Variants in MICAL2 observed in about 807,000 individuals in gnomAD.
The protein encoded by MICAL2 is microtubule associated monooxygenase, calponin and LIM domain containing 2, also known as [F-actin]-monooxygenase MICAL2.
A neutral mutation model predicts 127.3 loss-of-function variants in MICAL2; 77 were observed. The observed-to-expected ratio is 0.60, with a 90% confidence interval of 0.50 to 0.73. The LOEUF is 0.73. Ranked by LOEUF, MICAL2 falls within the 30% of genes least tolerant of loss-of-function variation. The probability of loss-of-function intolerance (pLI) is 0.00; values close to 1 mark genes in which losing one functional copy is unlikely to be tolerated. For synonymous variants in MICAL2, 570 were observed against 551.1 expected (o/e 1.03, Z -0.48); for missense variants, 1,351 against 1,434.4 (o/e 0.94, Z 0.94).
downstream of MICAL2, among the ~76,000 whole-genome samples, chr11:12,290,509 G>A (rs183997896): frequency 2.3e-3 from 240 of 105,368 alleles, no homozygotes; most frequent in African/African-American, 9.9e-3. Context: ...AGGAGGAAGG[G>A]AAGAAGGAAT....
chr11:12,260,647 C>A, intron 26 of MICAL2: 2 of 986,572 alleles, frequency 2.0e-6, no homozygotes, highest in Non-Finnish European at 2.4e-6. Flanking sequence ...TACCCAGATG[C>A]CACTTGTCAG....
downstream of MICAL2, among the ~76,000 whole-genome samples, chr11:12,360,182 G>T: frequency 1.6e-5 from 1 of 61,304 alleles, no homozygotes; most frequent in Admixed American, 2.6e-4. Context: ...ATATGAGGAG[G>T]CACCTACCTA....
downstream of MICAL2, among the ~76,000 whole-genome samples, chr11:12,289,463 G>A (rs543904605): frequency 1.3e-5 from 2 of 152,302 alleles, 1 homozygote; most frequent in South Asian, 4.1e-4. Context: ...ACTGGACGCG[G>A]CTTGAGTGCG....
chr11:12,341,100 G>A (rs983887556), intron 32 of MICAL2, among the ~76,000 whole-genome samples: 2 of 152,140 alleles, frequency 1.3e-5, no homozygotes, highest in Non-Finnish European at 2.9e-5. Flanking sequence ...AATGAAACAG[G>A]TCTGTGCATG....
At chr11:12,266,974 G>A (rs77594533), downstream of MICAL2, among the ~76,000 whole-genome samples, 529 of 152,332 alleles carry the variant, frequency 3.5e-3, 5 homozygotes, top group African/African-American at 0.012. Flanking sequence ...GGGCATTCTC[G>A]ATTAACTGGG....
At chr11:12,276,030 C>T (rs1863719250), upstream of MICAL2, 3 of 399,222 alleles carry the variant, frequency 7.5e-6, no homozygotes, top group Non-Finnish European at 1.3e-5. Context: ...CTCTGAGCCA[C>T]AGCACAGTGA....
In MICAL2 at chr11:12,236,143, C is replaced by T. The variant is rs199904735; in HGVS notation, c.1996-34C>T. 53 of 1,602,012 alleles carry T rather than the reference C, an allele frequency of 3.3e-5. No individual in the cohort carries two copies. The African/African-American group carries it at 7.0e-4, about 21-fold the overall frequency. ...AGTGGGACTGAAGCCCTTGGTGGCC[C>T]CCAGAGCTCACCCTGCTTTCTTGGC... On this transcript the variant is annotated intron_variant, in intron 15 of 27. Transcript: ENST00000683283.
chr11:12,148,616 T>C (rs941691352), intron 2 of MICAL2, among the ~76,000 whole-genome samples: 3 of 152,126 alleles, frequency 2.0e-5, no homozygotes, highest in African/African-American at 7.2e-5. Context: ...TGTGCGATAC[T>C]CTTGATTTGA....
At chr11:12,357,914 T>G (rs1459447308) in intron 34 of MICAL2, among the ~76,000 whole-genome samples, 1 of 152,192 alleles carries the variant, frequency 6.6e-6, no homozygotes, top group Non-Finnish European at 1.5e-5. Context: ...CTTAGAAACT[T>G]CTCACAGATT....
intron 16 of MICAL2, 94 bp downstream of exon 16, chr11:12,236,339 C>A: frequency 1.8e-6 from 2 of 1,123,846 alleles, no homozygotes; most frequent in Non-Finnish European, 2.7e-6. Context: ...TGGCCCTGTT[C>A]CTTCCCTCTC....
chr11:12,250,673 T>C (rs984309720), intron 22 of MICAL2, among the ~76,000 whole-genome samples: 1 of 152,196 alleles, frequency 6.6e-6, no homozygotes, highest in African/African-American at 2.4e-5. Context: ...ATTACAAGAA[T>C]ATTGAGAGAT....
downstream of MICAL2, among the ~76,000 whole-genome samples, chr11:12,361,314 A>C (rs568009531): frequency 3.3e-5 from 5 of 152,326 alleles, no homozygotes; most frequent in Admixed American, 1.3e-4. Context: ...CTGAATGCCC[A>C]TGGGGTTCTG....
At chr11:12,122,669 A>G (rs1850603497) in intron 1 of MICAL2, among the ~76,000 whole-genome samples, 1 of 152,166 alleles carries the variant, frequency 6.6e-6, no homozygotes, top group South Asian at 2.1e-4. Flanking sequence ...TCAGCTTCCC[A>G]AAGTGCTGGG....
chr11:12,143,488 T>C (rs1260734987), intron 2 of MICAL2, among the ~76,000 whole-genome samples: 1 of 152,184 alleles, frequency 6.6e-6, no homozygotes, highest in Non-Finnish European at 1.5e-5. Context: ...GATGTTTCCA[T>C]ATAGAGAAAG....
intron 1 of MICAL2, chr11:12,276,192 G>A: frequency 2.5e-6 from 1 of 397,836 alleles, no homozygotes; most frequent in Non-Finnish European, 4.4e-6. Flanking sequence ...TGCCAGATGG[G>A]GACAGAAGCG....
chr11:12,209,447 T>C (rs774689096), intron 5 of MICAL2, 50 bp from the exon 6 acceptor site: 3 of 1,453,058 alleles, frequency 2.1e-6, no homozygotes, highest in Non-Finnish European at 1.9e-6. Context: ...GTATAATCAT[T>C]CTCTTCCCAC....
In MICAL2 at chr11:12,281,340, G is replaced by C. The variant is rs1863768918; in HGVS notation, c.254+241G>C. 1.3e-5 allele frequency among the ~76,000 whole-genome samples: 2 copies of C among 152,214 alleles called. 1 individual carries two copies. The highest frequency in any genetic ancestry group is 4.1e-4 in the South Asian group (2 of 4,834). On this transcript the variant is annotated intron_variant, in intron 2 of 2. Transcript: ENST00000529028. ...CAGTGGGGAAGACATCACGGGGACT[G>C]GCTGGCTGTGGTTGGTCACAGGCTG...
At chr11:12,136,277 G>A (rs1025798933) in intron 1 of MICAL2, among the ~76,000 whole-genome samples, 2 of 152,156 alleles carry the variant, frequency 1.3e-5, no homozygotes, top group African/African-American at 4.8e-5. Context: ...GTGAGCATGG[G>A]CGTGGACTCA....
chr11:12,352,844 C>T (rs1326075639), intron 33 of MICAL2, among the ~76,000 whole-genome samples: 2 of 152,198 alleles, frequency 1.3e-5, no homozygotes, highest in Non-Finnish European at 2.9e-5. Flanking sequence ...TGCAGCGCAG[C>T]TCTGAGAAAG....
Sources: gnomAD v4.1 joint callset for allele counts (sites outside exome capture counted in the v4.1 genomes callset) on GRCh38, gnomAD v4.1.1 for gene constraint, MANE v1.5 for transcripts, NCBI Gene and HGNC (gene_info 2026-07-23, HGNC 2026-07-21) for gene names.